The following IL12B variants were observed in gnomAD, a reference collection of about 807,000 sequenced individuals.
IL12B encodes the protein interleukin-12 subunit beta.
IL12B carries 27 observed loss-of-function variants against 39.2 expected under a neutral mutation model. The observed-to-expected ratio is 0.69, with a 90% CI of 0.51 to 0.95. IL12B has a LOEUF of 0.95. Ranked by LOEUF, IL12B falls within the 40% of genes least tolerant of loss-of-function variation. The pLI is 0.00. For synonymous variants in IL12B, 142 were observed against 152.1 expected, an observed-to-expected ratio of 0.93 and a Z score of 0.49; for missense variants, 351 against 397.6, an observed-to-expected ratio of 0.88 and a Z score of 1.00.
At chr5:159,318,338 T>G (rs1305197062) in intron 6 of IL12B, among the ~76,000 whole-genome samples, 4 of 152,362 alleles carry the variant, frequency 2.6e-5, no homozygotes, top group Non-Finnish European at 5.9e-5. Context: ...CATAATAACA[T>G]TTCAGTCAAA....
intron 7 of IL12B, 72 bp downstream of exon 7, chr5:159,316,613 C>T: frequency 4.6e-6 from 7 of 1,523,566 alleles, no homozygotes; most frequent in South Asian, 1.2e-5. Flanking sequence ...TCCAACACAG[C>T]CCCCAATCAT....
chr5:159,317,646 G>A (rs1361974993), intron 6 of IL12B, among the ~76,000 whole-genome samples: 1 of 152,254 alleles, frequency 6.6e-6, no homozygotes, highest in Non-Finnish European at 1.5e-5. Flanking sequence ...GAATTCTGCT[G>A]TAAGGTGAGG....
At chr5:159,323,421 A>T (rs757730224) in intron 2 of IL12B, 92 bp from the exon 3 acceptor site, 78 of 1,185,716 alleles carry the variant, frequency 6.6e-5, no homozygotes, top group Admixed American at 2.1e-4. Flanking sequence ...CCATTGCCTA[A>T]ACACAACCTT....
rs756537897 is a variant in IL12B, at chr5:159,323,171, C to T, written c.247G>A (p.Gly83Arg). 6 of 1,614,026 alleles carry T rather than the reference C, an allele frequency of 3.7e-6. No homozygotes were observed. The highest frequency in any genetic ancestry group is 1.7e-5 in the Admixed American group (1 of 59,988). ...TGACAGGTGTACTGGCCAGCATCTC[C>T]AAACTCTTTGACTTGGATGGTCAGG... ...KTLTIQVKEF[G>R]DAGQYTCHKG... Residue 83 changes from glycine (G) to arginine (R), a missense_variant, in exon 3 of 8, where the codon GGA becomes AGA. By Grantham distance (125) the Gly-to-Arg change is moderately radical (BLOSUM62 -2). Transcript: ENST00000231228.
Position 159,326,728 on chromosome 5 carries a change from G to A in IL12B, c.55C>T (p.Pro19Ser). 1.2e-6 allele frequency: 2 copies of A among 1,613,468 alleles called. No individual in the cohort carries two copies. The highest frequency in any genetic ancestry group is 1.1e-5 in the South Asian group (1 of 91,062). The stretch of plus-strand genomic sequence containing the variant: ...TTCAGTTCCCATATGGCCACGAGGG[G>A]AGATGCCAGAAAAACCAGGGAAAAC... ...SWFSLVFLASPLVAIWELKKD... is the reference protein window; with the variant it reads ...SWFSLVFLASSLVAIWELKKD... Residue 19 changes from proline to serine, a missense_variant, in exon 2 of 8, where the codon CCC becomes TCC. Pro to Ser is a moderately conservative substitution (Grantham distance 74). Coordinates refer to ENST00000231228, the MANE Select transcript of IL12B (RefSeq NM_002187.3).
chr5:159,326,738 A>G lies in IL12B; in HGVS notation c.45T>C (p.Phe15=). 1 of 1,613,694 alleles carries G rather than the reference A, an allele frequency of 6.2e-7. No individual in the cohort carries two copies. The highest frequency in any genetic ancestry group is 8.5e-7 in the Non-Finnish European group (1 of 1,179,612). Residue 15 remains phenylalanine (F), a synonymous_variant, in exon 2 of 8, where the codon TTT becomes TTC. Transcript: ENST00000231228. Reference sequence around the variant, plus strand: ...ATATGGCCACGAGGGGAGATGCCAGAAAAACCAGGGAAAACCAAGAGATGA... The same window carrying G: ...ATATGGCCACGAGGGGAGATGCCAGGAAAACCAGGGAAAACCAAGAGATGA... ...QLVISWFSLV[F]LASPLVAIWE... is the part of the protein sequence containing the mutation.
In IL12B at chr5:159,318,870, A is replaced by T. The variant is rs1584752783; in HGVS notation, c.721T>A (p.Leu241Met). 6.2e-7 allele frequency: 1 copy of T among 1,614,058 alleles called. No individual in the cohort carries two copies. Among genetic ancestry groups the T allele is most frequent in the East Asian group, 2.2e-5 (1 of 44,880 alleles). Residue 241 changes from leucine (L) to methionine (M), a missense_variant, in exon 6 of 8, where the codon TTG (leucine) becomes ATG (methionine). Coordinates refer to ENST00000231228, the MANE Select transcript of IL12B (RefSeq NM_002187.3). ...DIIKPDPPKNLQLKPLKNSRQ... is the reference protein window; with the variant it reads ...DIIKPDPPKNMQLKPLKNSRQ... ...GAATTCTTTAATGGCTTCAGCTGCA[A>T]GTTCTTGGGTGGGTCAGGTTTGACT...
At chr5:159,316,516 A>G (rs1333002737) in intron 7 of IL12B, among the ~76,000 whole-genome samples, 169 bp downstream of exon 7, 1 of 152,142 alleles carries the variant, frequency 6.6e-6, no homozygotes, top group African/African-American at 2.4e-5. Flanking sequence ...CTACATAACA[A>G]AGGCACCAAA....
intron 4 of IL12B, among the ~76,000 whole-genome samples, chr5:159,321,011 T>TG (rs1754079159): frequency 6.6e-6 from 1 of 151,580 alleles, no homozygotes; most frequent in Admixed American, 6.6e-5. Context: ...TCTCTTTTTT[T>TG]TTTTAAGAGA....
Position 159,319,924 on chromosome 5 carries a change from T to A in IL12B, c.697+382A>T, listed in dbSNP as rs146136928. On this transcript the variant is annotated intron_variant, in intron 5 of 7. Transcript: ENST00000231228. ...TCCCTTTTCAAATGCTAAGGAAGGA[T>A]TGGTTGGGAATAATTGCCATTAGTA... 8.5e-5 allele frequency among the ~76,000 whole-genome samples: 13 copies of A among 152,276 alleles called. No individual in the cohort carries two copies. In the East Asian group the frequency reaches 2.5e-3, roughly 29 times the overall value.
chr5:159,324,325 A>G (rs750973479), intron 2 of IL12B, among the ~76,000 whole-genome samples: 4 of 152,184 alleles, frequency 2.6e-5, no homozygotes, highest in Non-Finnish European at 5.9e-5. Flanking sequence ...GGCTTAGTAT[A>G]GTATTTCAGA....
intron 1 of IL12B, among the ~76,000 whole-genome samples, chr5:159,328,086 A>G (rs1162000662): frequency 2.0e-5 from 3 of 152,328 alleles, no homozygotes; most frequent in Admixed American, 1.3e-4. Flanking sequence ...GTGACGGAAT[A>G]TTGACAAATT....
intron 1 of IL12B, among the ~76,000 whole-genome samples, chr5:159,330,138 A>G (rs1015800494): frequency 6.6e-6 from 1 of 152,238 alleles, no homozygotes; most frequent in Non-Finnish European, 1.5e-5. Flanking sequence ...ACTTTTATAC[A>G]TCAATACACA....
Position 159,323,177 on chromosome 5 carries a change from C to G in IL12B, c.241G>C (p.Glu81Gln). ...GTGTACTGGCCAGCATCTCCAAACT[C>G]TTTGACTTGGATGGTCAGGGTTTTG... ...SGKTLTIQVK[E>Q]FGDAGQYTCH... The change falls in exon 3 of 8, where the codon GAG becomes CAG. Residue 81 changes from glutamate to glutamine, a missense_variant. Transcript: ENST00000231228. 1 of 1,614,186 alleles carries G rather than the reference C, an allele frequency of 6.2e-7. No homozygotes were observed. Among genetic ancestry groups the G allele is most frequent in the Non-Finnish European group, 8.5e-7 (1 of 1,180,030 alleles).
At chr5:159,319,428 G>A (rs3213103) in intron 5 of IL12B, among the ~76,000 whole-genome samples, 2,258 of 152,240 alleles carry the variant, frequency 0.015, 63 homozygotes, top group African/African-American at 0.051. Flanking sequence ...AATACTGAGC[G>A]CCCATTATGT....
intron 2 of IL12B, among the ~76,000 whole-genome samples, chr5:159,324,088 C>A (rs1169014852): frequency 6.9e-6 from 1 of 145,676 alleles, no homozygotes; most frequent in Non-Finnish European, 1.5e-5. Flanking sequence ...GATTTTCATT[C>A]TCTCTGCATT....
chr5:159,319,958 C>A (rs2113025384), intron 5 of IL12B, among the ~76,000 whole-genome samples: 1 of 152,232 alleles, frequency 6.6e-6, no homozygotes, highest in South Asian at 2.1e-4. Flanking sequence ...TAAGGAAGCC[C>A]TGGTTCTGAA....
intron 6 of IL12B, 28 bp downstream of exon 6, chr5:159,318,708 A>T: frequency 6.2e-7 from 1 of 1,612,006 alleles, no homozygotes; most frequent in Non-Finnish European, 8.5e-7. Flanking sequence ...CTGACCAAGG[A>T]ATATACTGCA....
intron 1 of IL12B, among the ~76,000 whole-genome samples, chr5:159,329,394 G>A (rs574864824): frequency 1.3e-5 from 2 of 152,148 alleles, no homozygotes; most frequent in Non-Finnish European, 2.9e-5. Context: ...TAAGGAGTTA[G>A]TGACATAATT....
Sources: allele counts gnomAD v4.1 joint callset (sites outside exome capture counted in the v4.1 genomes callset), GRCh38; gene constraint gnomAD v4.1.1; transcripts MANE v1.5; gene names NCBI Gene and HGNC (gene_info 2026-07-23, HGNC 2026-07-21).